CEMIP: variants seen among roughly 807,000 people sequenced by gnomAD.
CEMIP encodes the protein cell migration-inducing and hyaluronan-binding protein.
Under a neutral mutation model 156.9 loss-of-function variants are expected in CEMIP, and 105 were observed. The ratio of observed to expected loss-of-function variants is 0.67; its 90% CI spans 0.57 to 0.79. CEMIP has a LOEUF of 0.79. Ranked by LOEUF, CEMIP falls within the 30% of genes least tolerant of loss-of-function variation. The pLI, the probability that CEMIP is intolerant of heterozygous loss-of-function variation, is 0.00. For synonymous variants in CEMIP, 676 were observed against 668.4 expected, an observed-to-expected ratio of 1.01 and a Z score of -0.17; for missense variants, 1,457 against 1,769.4, an observed-to-expected ratio of 0.82 and a Z score of 3.17.
At chr15:80,827,798 TCTC>T (rs560903545) in intron 1 of CEMIP, among the ~76,000 whole-genome samples, 15 of 151,934 alleles carry the variant, frequency 9.9e-5, no homozygotes, top group Non-Finnish European at 2.1e-4. Context: ...GAGTGAAAAA[TCTC>T]CTCCCTCCAT....
At chr15:80,789,479 C>G (rs1896025913) in intron 1 of CEMIP, among the ~76,000 whole-genome samples, 1 of 152,208 alleles carries the variant, frequency 6.6e-6, no homozygotes, top group South Asian at 2.1e-4. Context: ...TCAGATTTCT[C>G]AATTCAGTTC....
chr15:80,785,763 T>A (rs1895919772), intron 1 of CEMIP, among the ~76,000 whole-genome samples: 1 of 152,174 alleles, frequency 6.6e-6, no homozygotes, highest in South Asian at 2.1e-4. Context: ...CTAAACCCCT[T>A]ACTTCCTGCA....
chr15:80,931,604 C>G (rs1900914079), intron 21 of CEMIP, among the ~76,000 whole-genome samples: 1 of 151,758 alleles, frequency 6.6e-6, no homozygotes, highest in South Asian at 2.1e-4. Context: ...CATCCATTCA[C>G]CCGGCAGTCA....
At chr15:80,892,641 G>A (rs1899068972) in intron 10 of CEMIP, among the ~76,000 whole-genome samples, 2 of 152,186 alleles carry the variant, frequency 1.3e-5, no homozygotes, top group South Asian at 4.1e-4. Flanking sequence ...ATCAGCAAGT[G>A]AGGTGCCCAC....
At chr15:80,871,074 A>G (rs552075404) in intron 1 of CEMIP, among the ~76,000 whole-genome samples, 93 of 152,328 alleles carry the variant, frequency 6.1e-4, no homozygotes, top group Non-Finnish European at 1.1e-3. Flanking sequence ...GCGGAATCCC[A>G]GTTCTTGTTG....
At chr15:80,892,624 T>C (rs959718400) in intron 10 of CEMIP, among the ~76,000 whole-genome samples, 1 of 152,156 alleles carries the variant, frequency 6.6e-6, no homozygotes, top group African/African-American at 2.4e-5. Context: ...CTTGTGAGCT[T>C]TGGCATATCA....
At chr15:80,928,276 G>A (rs140207290) in intron 19 of CEMIP, among the ~76,000 whole-genome samples, 3 of 152,154 alleles carry the variant, frequency 2.0e-5, no homozygotes, top group South Asian at 2.1e-4. Context: ...CTTGTCCCTC[G>A]CAATCAGACG....
intron 17 of CEMIP, among the ~76,000 whole-genome samples, chr15:80,923,978 A>C (rs1298712221): frequency 6.6e-6 from 1 of 152,222 alleles, no homozygotes; most frequent in Non-Finnish European, 1.5e-5. Flanking sequence ...AGTTATCTAA[A>C]AAAGAGAAAT....
At chr15:80,918,078 C>G (rs973749104) in intron 14 of CEMIP, among the ~76,000 whole-genome samples, 10 of 152,164 alleles carry the variant, frequency 6.6e-5, no homozygotes, top group African/African-American at 2.2e-4. Context: ...AGTTTGAGAC[C>G]AGCCTGGGCA....
chr15:80,884,031 A>T, intron 6 of CEMIP, 144 bp from the exon 7 acceptor site: 3 of 835,702 alleles, frequency 3.6e-6, no homozygotes, highest in Non-Finnish European at 4.0e-6. Context: ...TTTGCTCTTT[A>T]AAGAAAAGGC....
Position 80,840,393 on chromosome 15 carries a change from T to C in CEMIP, c.-175-33145T>C, listed in dbSNP as rs533441170. On this transcript the variant is annotated intron_variant, in intron 1 of 29. Transcript: ENST00000394685. ...TCAGCCCAGCCTGTCAGGACCCTCC[T>C]TCCTGGCAGGGACCCCGGCTGGCCC... 1.9e-3 allele frequency among the ~76,000 whole-genome samples: 293 copies of C among 152,240 alleles called. 2 individuals carry two copies. Among genetic ancestry groups the C allele is most frequent in the African/African-American group, 6.8e-3 (284 of 41,540 alleles).
chr15:80,867,682 T>A (rs35477444), intron 1 of CEMIP, among the ~76,000 whole-genome samples: 9,374 of 152,296 alleles, frequency 0.062, 474 homozygotes, highest in Middle Eastern at 0.082. Flanking sequence ...CTGCTGGAAG[T>A]TCCCCAGGCT....
chr15:80,876,794 A>G (rs1054366772), intron 3 of CEMIP, among the ~76,000 whole-genome samples: 1 of 152,226 alleles, frequency 6.6e-6, no homozygotes, highest in African/African-American at 2.4e-5. Flanking sequence ...TTTCCTTGAC[A>G]TATATAAATA....
chr15:80,949,388 A>ATCTT lies in CEMIP; in HGVS notation c.*466_*469dup, dbSNP rs914770588. The ATCTT allele has an allele frequency of 6.1e-5, 16 of 260,978 alleles. No homozygotes were observed. The highest frequency in any genetic ancestry group is 2.8e-4 in the African/African-American group (13 of 45,620). 16.2% of individuals were successfully genotyped at this position (260,978 alleles called of 1,614,324 possible). On this transcript the variant is annotated 3_prime_UTR_variant, in exon 30 of 30. Transcript: ENST00000394685. ...GAGAAAGAGCCTTGGCCTTAAGGAA[A>ATCTT]TCTTTACTCCTGTAAGCAAGAGCCA...
chr15:80,825,887 C>T (rs186555801), intron 1 of CEMIP, among the ~76,000 whole-genome samples: 5 of 152,324 alleles, frequency 3.3e-5, no homozygotes, highest in Admixed American at 6.5e-5. Context: ...CCCGAGGGCA[C>T]ATTTGTCTGT....
At chr15:80,922,949 T>G (rs1353608126) in intron 17 of CEMIP, among the ~76,000 whole-genome samples, 1 of 152,226 alleles carries the variant, frequency 6.6e-6, no homozygotes, top group Non-Finnish European at 1.5e-5. Flanking sequence ...GCTGGTTTTC[T>G]GGTCCAATCC....
At chr15:80,843,135 T>G (rs1474396626) in intron 1 of CEMIP, among the ~76,000 whole-genome samples, 1 of 152,148 alleles carries the variant, frequency 6.6e-6, no homozygotes, top group Admixed American at 6.5e-5. Flanking sequence ...GTCTTAGGTG[T>G]TGTATCTTAT....
At chr15:80,790,309 C>A (rs1391090341) in intron 1 of CEMIP, among the ~76,000 whole-genome samples, 1 of 152,194 alleles carries the variant, frequency 6.6e-6, no homozygotes, top group Non-Finnish European at 1.5e-5. Context: ...ATTTGATGTT[C>A]ACTCTTGTGT....
In CEMIP at chr15:80,905,365, T is replaced by A. The variant is rs181466830; in HGVS notation, c.1412-1298T>A. On this transcript the variant is annotated intron_variant, in intron 12 of 29. Coordinates refer to ENST00000394685, the MANE Select transcript of CEMIP (RefSeq NM_001293298.2). The stretch of plus-strand genomic sequence containing the variant: ...CAACCTCAGTGAAGAGCCCAACGAA[T>A]TTAGAGCCCGCCTAAGATCTCTTTA... Among the ~76,000 whole-genome samples, 167 of 152,348 alleles carry A rather than the reference T, an allele frequency of 1.1e-3. 1 individual carries two copies. The highest frequency in any genetic ancestry group is 3.9e-3 in the African/African-American group (162 of 41,574).
Sources: allele counts gnomAD v4.1 joint callset (sites outside exome capture counted in the v4.1 genomes callset), GRCh38; gene constraint gnomAD v4.1.1; transcripts MANE v1.5; gene names NCBI Gene and HGNC (gene_info 2026-07-23, HGNC 2026-07-21).